The following RIMS2 variants were observed in gnomAD, a reference collection of about 807,000 sequenced individuals.
RIMS2 encodes the protein regulating synaptic membrane exocytosis protein 2.
In RIMS2, 59 loss-of-function variants were observed where a neutral mutation model predicts 174.4. That is an observed-to-expected ratio of 0.34 (90% CI 0.27 to 0.42). RIMS2 has a LOEUF of 0.42. RIMS2 is among the 10% of genes least tolerant of loss of function. The pLI, the probability that RIMS2 is intolerant of heterozygous loss-of-function variation, is 1.00. For missense variants in RIMS2, 1,620 were observed against 1,666.3 expected (o/e 0.97, Z 0.48); for synonymous variants, 606 against 572.5 (o/e 1.06, Z -0.84).
intron 1 of RIMS2, among the ~76,000 whole-genome samples, chr8:103,637,002 G>T (rs2135417970): frequency 6.6e-6 from 1 of 152,248 alleles, no homozygotes; most frequent in Middle Eastern, 3.4e-3. Flanking sequence ...GCCCTTGATT[G>T]GGTGGCTTCC....
chr8:103,609,285 A>G (rs2095279516), intron 1 of RIMS2, among the ~76,000 whole-genome samples: 1 of 151,888 alleles, frequency 6.6e-6, no homozygotes, highest in African/African-American at 2.4e-5. Flanking sequence ...GTTTGGAAAT[A>G]TTTTCTCCCA....
chr8:103,635,591 G>GGGA (rs1376681967), intron 1 of RIMS2, among the ~76,000 whole-genome samples: 1 of 152,226 alleles, frequency 6.6e-6, no homozygotes, highest in Non-Finnish European at 1.5e-5. Context: ...TCCTCCCTCT[G>GGGA]GGAGCTTTGT....
chr8:104,056,463 A>C (rs780105258), intron 19 of RIMS2, among the ~76,000 whole-genome samples: 3 of 152,090 alleles, frequency 2.0e-5, no homozygotes, highest in Non-Finnish European at 2.9e-5. Flanking sequence ...GTACAAAACT[A>C]TTCGTTTTAT....
At chr8:103,580,167 G>A (rs1588180806) in intron 1 of RIMS2, among the ~76,000 whole-genome samples, 1 of 151,974 alleles carries the variant, frequency 6.6e-6, no homozygotes, top group Non-Finnish European at 1.5e-5. Flanking sequence ...GCAACAATTG[G>A]CAGTAGTAAG....
chr8:104,173,279 G>A, intron 19 of RIMS2, among the ~76,000 whole-genome samples: 1 of 151,958 alleles, frequency 6.6e-6, no homozygotes, highest in African/African-American at 2.4e-5. Context: ...GAATGCTATT[G>A]GAAGACTCTT....
intron 3 of RIMS2, among the ~76,000 whole-genome samples, chr8:103,787,657 G>T (rs1362866686): frequency 6.6e-6 from 1 of 152,164 alleles, no homozygotes; most frequent in Non-Finnish European, 1.5e-5. Context: ...AGTCTGATGG[G>T]CTTCCCTTTG....
intron 1 of RIMS2, among the ~76,000 whole-genome samples, chr8:103,535,894 G>T (rs973765138): frequency 2.0e-5 from 3 of 152,112 alleles, no homozygotes; most frequent in African/African-American, 4.8e-5. Flanking sequence ...AAATCCAGGG[G>T]GAAGTTGCTA....
intron 1 of RIMS2, among the ~76,000 whole-genome samples, chr8:103,584,440 A>AT (rs34372929): frequency 0.61 from 89,848 of 146,434 alleles, 26,906 homozygotes; most frequent in East Asian, 0.88. Flanking sequence ...AAAAACACAG[A>AT]TTTTTTTTAA....
intron 3 of RIMS2, among the ~76,000 whole-genome samples, chr8:103,854,814 C>T (rs2099018524): frequency 6.6e-6 from 1 of 151,672 alleles, no homozygotes; most frequent in Non-Finnish European, 1.5e-5. Flanking sequence ...GGGATATTGG[C>T]CTGATGTTTT....
In RIMS2 at chr8:103,652,210, A is replaced by G. The variant is rs142073056; in HGVS notation, c.177-44876A>G. On this transcript the variant is annotated intron_variant, in intron 1 of 23. Coordinates refer to ENST00000504942, the Ensembl canonical transcript of RIMS2. ...GTGCAAACTTATCTTTTTAGGGTCA[A>G]AGAAGAACACAAACCACAACTGACA... 1.2e-3 allele frequency: 1,666 copies of G among 1,348,488 alleles called. 18 individuals carry two copies. The highest frequency in any genetic ancestry group is 8.8e-3 in the South Asian group (770 of 87,916). 83.5% of individuals were successfully genotyped at this position (1,348,488 alleles called of 1,614,324 possible).
chr8:103,669,492 A>G (rs2096717765), intron 1 of RIMS2, among the ~76,000 whole-genome samples: 1 of 152,054 alleles, frequency 6.6e-6, no homozygotes, highest in African/African-American at 2.4e-5. Flanking sequence ...CCAAAATCTC[A>G]TTTGAGACAA....
intron 14 of RIMS2, 93 bp downstream of exon 16, chr8:103,943,019 T>C (rs751341024): frequency 2.3e-6 from 2 of 874,126 alleles, no homozygotes; most frequent in African/African-American, 1.7e-5. Flanking sequence ...TCTTTGTGAA[T>C]ATTAATAGTC....
At chr8:104,076,821 C>CT (rs759341615) in intron 19 of RIMS2, among the ~76,000 whole-genome samples, 5,222 of 140,308 alleles carry the variant, frequency 0.037, 137 homozygotes, top group African/African-American at 0.071. Context: ...TTTCTTTTAT[C>CT]TTTTTTTTTT....
At chr8:103,681,396 C>T (rs2096878705) in intron 1 of RIMS2, among the ~76,000 whole-genome samples, 2 of 151,898 alleles carry the variant, frequency 1.3e-5, no homozygotes, top group Non-Finnish European at 2.9e-5. Flanking sequence ...TGTAAATGTA[C>T]AAGACTGGTT....
intron 3 of RIMS2, among the ~76,000 whole-genome samples, chr8:103,778,297 A>G (rs2098341487): frequency 6.6e-6 from 1 of 152,084 alleles, no homozygotes; most frequent in African/African-American, 2.4e-5. Flanking sequence ...CTATTTTGAA[A>G]TGTACAATAG....
chr8:104,060,708 G>T, intron 19 of RIMS2, among the ~76,000 whole-genome samples: 1 of 152,072 alleles, frequency 6.6e-6, no homozygotes, highest in East Asian at 1.9e-4. Context: ...TGGGCATTTA[G>T]TGCTATAAAT....
intron 10 of RIMS2, among the ~76,000 whole-genome samples, chr8:103,926,039 G>T (rs1231093379): frequency 1.3e-5 from 2 of 151,514 alleles, no homozygotes; most frequent in East Asian, 3.8e-4. Context: ...TCAGAAGTCT[G>T]TGAGATGCAT....
intron 19 of RIMS2, among the ~76,000 whole-genome samples, chr8:104,087,601 CCTAACTGTA>C (rs1430035287): frequency 6.6e-6 from 1 of 152,068 alleles, no homozygotes; most frequent in Non-Finnish European, 1.5e-5. Context: ...GCTCATCCTA[CCTAACTGTA>C]CTTCCTTCTG....
intron 1 of RIMS2, among the ~76,000 whole-genome samples, chr8:103,679,972 C>T (rs924736020): frequency 1.3e-5 from 2 of 151,962 alleles, no homozygotes; most frequent in South Asian, 4.1e-4. Context: ...GCCTTTGCAT[C>T]GCAGTGGCAG....
Sources: allele counts gnomAD v4.1 joint callset (sites outside exome capture counted in the v4.1 genomes callset), GRCh38; gene constraint gnomAD v4.1.1; transcripts MANE v1.5; gene names NCBI Gene and HGNC (gene_info 2026-07-23, HGNC 2026-07-21).